Variants in GPM6A observed in about 807,000 individuals in gnomAD.
GPM6A encodes the protein neuronal membrane glycoprotein M6-a.
In GPM6A, 7 loss-of-function variants were observed where a neutral mutation model predicts 32.1. The observed-to-expected ratio is 0.22, with a 90% CI of 0.12 to 0.41. GPM6A has a LOEUF of 0.41. GPM6A is among the 10% of genes least tolerant of loss of function. The probability of loss-of-function intolerance (pLI) is 1.00; values close to 1 mark genes in which losing one functional copy is unlikely to be tolerated. For synonymous variants in GPM6A, 130 were observed against 123.4 expected (o/e 1.05, Z -0.35); for missense variants, 235 against 347.2 (o/e 0.68, Z 2.57).
At chr4:175,718,155 T>A (rs1368405466) in intron 1 of GPM6A, among the ~76,000 whole-genome samples, 1 of 152,228 alleles carries the variant, frequency 6.6e-6, no homozygotes, top group East Asian at 1.9e-4. Context: ...TTTATATGTA[T>A]CTTTGCTTTT....
intron 1 of GPM6A, among the ~76,000 whole-genome samples, chr4:175,989,381 G>A (rs1741070740): frequency 6.6e-6 from 1 of 152,054 alleles, no homozygotes; most frequent in Non-Finnish European, 1.5e-5. Flanking sequence ...AAAATAGGGG[G>A]CAAAAGGGAA....
At chr4:175,654,690 A>G (rs2110927354) in intron 3 of GPM6A, among the ~76,000 whole-genome samples, 1 of 152,228 alleles carries the variant, frequency 6.6e-6, no homozygotes, top group East Asian at 1.9e-4. Context: ...ATTCTTGGAA[A>G]CCACCCTGAA....
intron 1 of GPM6A, among the ~76,000 whole-genome samples, chr4:175,986,380 A>T (rs1460405734): frequency 3.3e-5 from 5 of 151,988 alleles, no homozygotes; most frequent in South Asian, 2.1e-4. Flanking sequence ...ATAAAAAAAA[A>T]TTTTAAATAA....
chr4:175,885,918 G>A (rs537686891), intron 1 of GPM6A, among the ~76,000 whole-genome samples: 2 of 152,088 alleles, frequency 1.3e-5, no homozygotes, highest in Non-Finnish European at 2.9e-5. Flanking sequence ...AATTTACACA[G>A]ACCACATAAG....
intron 1 of GPM6A, among the ~76,000 whole-genome samples, chr4:175,885,831 T>C (rs1346685193): frequency 6.6e-6 from 1 of 152,174 alleles, no homozygotes; most frequent in Admixed American, 6.5e-5. Context: ...TTATTACACT[T>C]AGGATTTGCA....
At chr4:175,793,349 GTATTC>G (rs1256356040) in intron 1 of GPM6A, among the ~76,000 whole-genome samples, 3 of 143,962 alleles carry the variant, frequency 2.1e-5, no homozygotes, top group Non-Finnish European at 4.5e-5. Context: ...AGAGATCCAT[GTATTC>G]TATTCTATTC....
intron 1 of GPM6A, among the ~76,000 whole-genome samples, chr4:175,852,107 C>A (rs1450625100): frequency 6.6e-6 from 1 of 152,086 alleles, no homozygotes; most frequent in Non-Finnish European, 1.5e-5. Flanking sequence ...CTTTGGCCAT[C>A]TTACTAGCTG....
chr4:175,969,218 A>G (rs974894388), intron 1 of GPM6A, among the ~76,000 whole-genome samples: 1 of 152,248 alleles, frequency 6.6e-6, no homozygotes, highest in Non-Finnish European at 1.5e-5. Context: ...AAATGTCTAT[A>G]GAGACAATAA....
At chr4:175,769,491 C>T (rs1248966876) in intron 1 of GPM6A, among the ~76,000 whole-genome samples, 1 of 152,124 alleles carries the variant, frequency 6.6e-6, no homozygotes, top group Non-Finnish European at 1.5e-5. Context: ...TTCAGGGAAA[C>T]AAATCAATGG....
chr4:175,815,306 A>G (rs930947868), upstream of GPM6A, among the ~76,000 whole-genome samples: 3 of 151,898 alleles, frequency 2.0e-5, no homozygotes, highest in African/African-American at 7.3e-5. Context: ...TGAGCCACCA[A>G]GCCCAGCCAA....
chr4:175,677,727 C>T (rs186886429), intron 2 of GPM6A, among the ~76,000 whole-genome samples: 49 of 152,170 alleles, frequency 3.2e-4, no homozygotes, highest in African/African-American at 1.1e-3. Context: ...AAGCATTACA[C>T]TCTCAAAGAA....
At chr4:175,638,880 A>C (rs1009694382) in intron 6 of GPM6A, among the ~76,000 whole-genome samples, 6 of 152,146 alleles carry the variant, frequency 3.9e-5, no homozygotes, top group Non-Finnish European at 5.9e-5. Flanking sequence ...TGTTTGGTAT[A>C]TCATTGGCCA....
At chr4:175,974,940 T>C (rs1216010086) in intron 1 of GPM6A, among the ~76,000 whole-genome samples, 1 of 152,176 alleles carries the variant, frequency 6.6e-6, no homozygotes, top group Non-Finnish European at 1.5e-5. Context: ...TGCCTCAGCC[T>C]CCCAAACTGC....
chr4:175,759,155 T>C (rs908951969), intron 1 of GPM6A, among the ~76,000 whole-genome samples: 1 of 152,194 alleles, frequency 6.6e-6, no homozygotes, highest in African/African-American at 2.4e-5. Context: ...ACCGCAAATC[T>C]CACTGTTAGT....
intron 2 of GPM6A, among the ~76,000 whole-genome samples, chr4:175,685,329 A>G (rs1388236909): frequency 1.3e-5 from 2 of 152,244 alleles, no homozygotes; most frequent in Non-Finnish European, 2.9e-5. Flanking sequence ...CTCAACAAGA[A>G]TGAAGAATAC....
At chr4:175,777,113 G>A (rs1379811095) in intron 1 of GPM6A, among the ~76,000 whole-genome samples, 1 of 152,196 alleles carries the variant, frequency 6.6e-6, no homozygotes, top group Admixed American at 6.5e-5. Flanking sequence ...AGGGAAGATA[G>A]TAAATGCAAG....
intron 1 of GPM6A, among the ~76,000 whole-genome samples, chr4:175,856,756 A>G (rs1736430537): frequency 6.6e-6 from 1 of 152,086 alleles, no homozygotes; most frequent in Non-Finnish European, 1.5e-5. Flanking sequence ...GGCCATTCCC[A>G]GTTGAACTCC....
intron 1 of GPM6A, among the ~76,000 whole-genome samples, chr4:175,842,170 C>A (rs746745178): frequency 6.6e-6 from 1 of 151,912 alleles, no homozygotes; most frequent in Non-Finnish European, 1.5e-5. Flanking sequence ...TTTTTTTGTA[C>A]AGAATTCCTT....
chr4:175,739,221 T>C (rs1272463543), intron 1 of GPM6A, among the ~76,000 whole-genome samples: 3 of 152,192 alleles, frequency 2.0e-5, no homozygotes, highest in African/African-American at 7.2e-5. Flanking sequence ...TTATTCTATT[T>C]ACCCCATTCT....
Sources: gnomAD v4.1 joint callset for allele counts (sites outside exome capture counted in the v4.1 genomes callset) on GRCh38, gnomAD v4.1.1 for gene constraint, MANE v1.5 for transcripts, NCBI Gene and HGNC (gene_info 2026-07-23, HGNC 2026-07-21) for gene names.